Variants in RP1 observed in about 807,000 individuals in gnomAD.
RP1 encodes the protein oxygen-regulated protein 1.
RP1 carries 16 observed loss-of-function variants against 14.8 expected under a neutral mutation model. The ratio of observed to expected loss-of-function variants is 1.08; its 90% CI spans 0.73 to 1.65. The LOEUF is 1.65. RP1 is among the 40% of genes most tolerant of loss of function. The pLI, the probability that RP1 is intolerant of heterozygous loss-of-function variation, is 0.00. For missense variants in RP1, 2,631 were observed against 2,535.0 expected (o/e 1.04, Z -0.81); for synonymous variants, 876 against 883.6 (o/e 0.99, Z 0.15).
At chr8:54,722,274 T>G (rs199732715) in intron 16 of RP1, among the ~76,000 whole-genome samples, 4,745 of 143,752 alleles carry the variant, frequency 0.033, 108 homozygotes, top group East Asian at 0.043. Context: ...GTTTTTTTTT[T>G]TGTGTGTGTG....
At chr8:54,742,902 A>G (rs1002860644) in intron 19 of RP1, among the ~76,000 whole-genome samples, 1 of 152,186 alleles carries the variant, frequency 6.6e-6, no homozygotes, top group Admixed American at 6.5e-5. Context: ...AGGAAAAAAC[A>G]TCCCCAGCAG....
chr8:54,680,327 A>G (rs1807397133), intron 12 of RP1, among the ~76,000 whole-genome samples: 1 of 152,220 alleles, frequency 6.6e-6, no homozygotes, highest in Non-Finnish European at 1.5e-5. Flanking sequence ...TAATAAATGT[A>G]CAAAGGAAAA....
chr8:54,671,818 T>C (rs1807188162), intron 7 of RP1, among the ~76,000 whole-genome samples: 1 of 152,194 alleles, frequency 6.6e-6, no homozygotes, highest in Non-Finnish European at 1.5e-5. Flanking sequence ...GTTTAGAGAT[T>C]TGTATTTCTT....
chr8:54,575,213 G>T (rs1195203615), intron 1 of RP1, among the ~76,000 whole-genome samples: 1 of 152,098 alleles, frequency 6.6e-6, no homozygotes, highest in Non-Finnish European at 1.5e-5. Context: ...AGACTCTACT[G>T]CACCAGCAGA....
rs148703435 is a variant in RP1, at chr8:54,696,681, G to A, written c.1718-2786G>A. ...TTGGCCTTTGTTGTACGCATCAAAA[G>A]GATTGATGGTGTGATTTTACTGGTG... On this transcript the variant is annotated intron_variant, in intron 12 of 22. Coordinates refer to the RP1 transcript ENST00000636932. 18 of 753,638 alleles carry A rather than the reference G, an allele frequency of 2.4e-5. No homozygotes were observed. The South Asian group carries it at 2.8e-4, about 12-fold the overall frequency. The allele number at this position is 753,638 out of a possible 1,614,324, so 46.7% of individuals were successfully genotyped here.
At chr8:54,579,420 A>G (rs1444283785) in intron 1 of RP1, among the ~76,000 whole-genome samples, 2 of 152,094 alleles carry the variant, frequency 1.3e-5, no homozygotes, top group African/African-American at 4.8e-5. Context: ...TCACCTTCCT[A>G]AGGAGACCAA....
At chr8:54,617,825 A>T (rs1452849922) in intron 1 of RP1, among the ~76,000 whole-genome samples, 1 of 152,216 alleles carries the variant, frequency 6.6e-6, no homozygotes, top group Non-Finnish European at 1.5e-5. Flanking sequence ...GCAAAAGCTG[A>T]TTCACTTCCT....
chr8:54,598,824 G>T (rs1416410214), intron 1 of RP1, among the ~76,000 whole-genome samples: 1 of 152,148 alleles, frequency 6.6e-6, no homozygotes. Flanking sequence ...ATGAGAAGTC[G>T]GCTGTCATTT....
At chr8:54,814,672 T>A (rs746876162) in intron 24 of RP1, among the ~76,000 whole-genome samples, 3 of 152,254 alleles carry the variant, frequency 2.0e-5, no homozygotes, top group Non-Finnish European at 4.4e-5. Context: ...TGTTCTTTCA[T>A]AATCGTTTAC....
intron 1 of RP1, 67 bp from the exon 2 acceptor site, chr8:54,620,888 T>G: frequency 7.2e-7 from 1 of 1,383,168 alleles, no homozygotes; most frequent in Admixed American, 1.7e-5. Context: ...ATATTTAGCA[T>G]GCATTAGTAT....
At chr8:54,870,756 T>A (rs1812571253) in exon 29 of RP1, 2 of 152,180 alleles carry the variant, frequency 1.3e-5, no homozygotes, top group Admixed American at 6.5e-5. Flanking sequence ...CAAAGACACC[T>A]GTCTTTGAAT....
In RP1 at chr8:54,827,366, GCC is replaced by G. The variant is rs199706056; in HGVS notation, c.3616-10082_3616-10081del. Among the ~76,000 whole-genome samples the G allele has an allele frequency of 6.7e-3, 1,001 of 148,458 alleles. 8 individuals are homozygous for G. The highest frequency in any genetic ancestry group is 0.023 in the African/African-American group (942 of 40,098). On this transcript the variant is annotated intron_variant, in intron 24 of 28. Coordinates refer to the RP1 transcript ENST00000637698. ...TTTTTAGACAAGATTTCACTCTGTT[GCC>G]CAGGCTGGAGTGCAGTGGTACAATC...
intron 1 of RP1, among the ~76,000 whole-genome samples, chr8:54,618,727 C>T (rs1052662903): frequency 1.3e-5 from 2 of 152,146 alleles, no homozygotes; most frequent in Non-Finnish European, 2.9e-5. Context: ...GCGATCTCAG[C>T]TCACTGCAAC....
At chr8:54,674,973 G>A (rs1032752680) in intron 8 of RP1, among the ~76,000 whole-genome samples, 4 of 152,084 alleles carry the variant, frequency 2.6e-5, no homozygotes, top group African/African-American at 9.7e-5. Flanking sequence ...ATGATTCTCA[G>A]GCAAGCTTGT....
chr8:54,703,375 A>G (rs1340740455), intron 14 of RP1, among the ~76,000 whole-genome samples: 1 of 152,212 alleles, frequency 6.6e-6, no homozygotes, highest in Non-Finnish European at 1.5e-5. Context: ...TTGGGTGACC[A>G]GGTACATTGT....
chr8:54,678,198 T>C (rs1421334194), intron 8 of RP1, among the ~76,000 whole-genome samples: 1 of 152,202 alleles, frequency 6.6e-6, no homozygotes, highest in African/African-American at 2.4e-5. Flanking sequence ...ATTGTTCTAT[T>C]TTCAATTGTT....
At position 54,622,146 on chromosome 8, in the gene RP1, C is replaced by T; in HGVS notation, c.645C>T (p.Ser215=). ...RVPSLQAVIL[S]SGAVVAAGRE... ...CCAGCCTCCAGGCAGTGATCCTGAG[C>T]TCTGGAGCTGTGGTGGCGGCAGGAA... Residue 215 remains serine, a synonymous_variant, in exon 3 of 4, where the codon AGC becomes AGT. Coordinates refer to ENST00000220676, the MANE Select transcript of RP1 (RefSeq NM_006269.2). 1 of 1,614,178 alleles carries T rather than the reference C, an allele frequency of 6.2e-7. No individual in the cohort carries two copies. Among genetic ancestry groups the T allele is most frequent in the Non-Finnish European group, 8.5e-7 (1 of 1,180,038 alleles).
At chr8:54,596,559 G>A (rs74543191) in intron 1 of RP1, among the ~76,000 whole-genome samples, 4,197 of 152,090 alleles carry the variant, frequency 0.028, 94 homozygotes, top group Non-Finnish European at 0.045. Context: ...TTACAAATAG[G>A]ATGGATTTAC....
chr8:54,726,025 T>C (rs1007632008), intron 16 of RP1, among the ~76,000 whole-genome samples: 3 of 152,182 alleles, frequency 2.0e-5, no homozygotes, highest in Non-Finnish European at 4.4e-5. Flanking sequence ...AAGAACAAGA[T>C]TGTTAAAGAA....
Sources: allele counts gnomAD v4.1 joint callset (sites outside exome capture counted in the v4.1 genomes callset), GRCh38; gene constraint gnomAD v4.1.1; transcripts MANE v1.5; gene names NCBI Gene and HGNC (gene_info 2026-07-23, HGNC 2026-07-21).